Variants in LRBA observed in about 807,000 individuals in gnomAD.
The protein encoded by LRBA is LPS responsive beige-like anchor protein.
Under a neutral mutation model 330.0 loss-of-function variants are expected in LRBA, and 176 were observed. The observed-to-expected ratio is 0.53, with a 90% CI of 0.47 to 0.60. The LOEUF is 0.60. LRBA is among the 20% of genes least tolerant of loss of function. LRBA has a pLI of 0.00. For missense variants in LRBA, 3,259 were observed against 3,444.8 expected (o/e 0.95, Z 1.35); for synonymous variants, 1,230 against 1,193.0 (o/e 1.03, Z -0.64).
chr4:150,672,425 G>GTATATAAGGTATAAGGTATATA (rs1782146469), intron 37 of LRBA, among the ~76,000 whole-genome samples: 1 of 151,504 alleles, frequency 6.6e-6, no homozygotes, highest in Non-Finnish European at 1.5e-5. Context: ...ACTTACTAAG[G>GTATATAAGGTATAAGGTATATA]TACCATAAAC....
At chr4:150,868,848 G>A (rs780809850) in intron 20 of LRBA, among the ~76,000 whole-genome samples, 3 of 152,102 alleles carry the variant, frequency 2.0e-5, no homozygotes, top group Non-Finnish European at 2.9e-5. Flanking sequence ...TGAGACAGGT[G>A]AATCGCTTGA....
chr4:150,565,156 C>A (rs768286746), intron 40 of LRBA, among the ~76,000 whole-genome samples: 62 of 152,100 alleles, frequency 4.1e-4, no homozygotes, highest in Non-Finnish European at 8.1e-4. Flanking sequence ...ACATATACAC[C>A]ATGGAATATT....
At chr4:150,638,312 C>G (rs1420387039) in intron 37 of LRBA, among the ~76,000 whole-genome samples, 1 of 152,196 alleles carries the variant, frequency 6.6e-6, no homozygotes, top group Non-Finnish European at 1.5e-5. Flanking sequence ...CAGGCGTAAG[C>G]CACCACGCCC....
intron 55 of LRBA, among the ~76,000 whole-genome samples, chr4:150,279,130 A>C (rs1397822401): frequency 6.6e-6 from 1 of 152,140 alleles, no homozygotes; most frequent in African/African-American, 2.4e-5. Context: ...GGCCTTCCAT[A>C]AATAAGGTTT....
intron 56 of LRBA, among the ~76,000 whole-genome samples, chr4:150,269,102 A>G (rs757011485): frequency 6.6e-6 from 1 of 152,342 alleles, no homozygotes; most frequent in Admixed American, 6.5e-5. Flanking sequence ...GAGCAGTCCA[A>G]AAGGAAAATT....
chr4:150,815,107 T>C (rs184313828), intron 31 of LRBA, among the ~76,000 whole-genome samples: 30 of 152,134 alleles, frequency 2.0e-4, no homozygotes, highest in African/African-American at 6.7e-4. Flanking sequence ...TTACTCAATG[T>C]ACTTTGAATT....
chr4:150,487,866 C>A, intron 41 of LRBA, 32 bp from the exon 42 acceptor site: 1 of 1,235,360 alleles, frequency 8.1e-7, no homozygotes. Context: ...AATTAGAACA[C>A]AGTATAACTT....
At chr4:150,640,031 T>C (rs1349610941) in intron 37 of LRBA, among the ~76,000 whole-genome samples, 4 of 150,520 alleles carry the variant, frequency 2.7e-5, no homozygotes, top group Admixed American at 2.0e-4. Context: ...TAATTTTTTG[T>C]ATTTTTAGTA....
intron 2 of LRBA, among the ~76,000 whole-genome samples, chr4:151,003,115 G>A (rs1391228166): frequency 6.6e-6 from 1 of 151,312 alleles, no homozygotes; most frequent in African/African-American, 2.4e-5. Context: ...AACAATCCTG[G>A]TCAGGCACAG....
chr4:150,990,887 T>C (rs1264010713), intron 2 of LRBA, among the ~76,000 whole-genome samples: 1 of 151,820 alleles, frequency 6.6e-6, no homozygotes, highest in African/African-American at 2.4e-5. Flanking sequence ...GGCATGGTGG[T>C]GCACACCTGT....
intron 44 of LRBA, among the ~76,000 whole-genome samples, chr4:150,452,871 C>A (rs1753561171): frequency 6.6e-6 from 1 of 152,022 alleles, no homozygotes; most frequent in African/African-American, 2.4e-5. Context: ...AGCAAGGATG[C>A]AGAATACAAG....
At chr4:150,761,652 G>A in intron 35 of LRBA, 131 bp downstream of exon 35, 1 of 528,594 alleles carries the variant, frequency 1.9e-6, no homozygotes, top group Admixed American at 4.0e-5. Context: ...CATAATAATT[G>A]ATATATCAGA....
intron 16 of LRBA, among the ~76,000 whole-genome samples, chr4:150,893,375 G>C (rs576157578): frequency 6.6e-6 from 1 of 152,234 alleles, no homozygotes; most frequent in South Asian, 2.1e-4. Context: ...CGGGGGGGCA[G>C]AGTCTCGCTC....
At chr4:150,365,157 C>T (rs1015206279) in intron 47 of LRBA, among the ~76,000 whole-genome samples, 8 of 151,936 alleles carry the variant, frequency 5.3e-5, no homozygotes, top group Non-Finnish European at 1.2e-4. Flanking sequence ...TACAAGCATG[C>T]CACCACACCC....
At chr4:150,845,079 T>C (rs1229184530) in intron 26 of LRBA, among the ~76,000 whole-genome samples, 1 of 152,276 alleles carries the variant, frequency 6.6e-6, no homozygotes, top group South Asian at 2.1e-4. Context: ...TACTATTTCT[T>C]AGATCTCAAC....
chr4:150,499,411 G>A (rs935479288), intron 40 of LRBA, among the ~76,000 whole-genome samples: 5 of 152,142 alleles, frequency 3.3e-5, no homozygotes, highest in Non-Finnish European at 7.3e-5. Flanking sequence ...GGGAGGCTGA[G>A]GCAGGAGGAT....
chr4:150,295,624 G>A (rs1728890406), intron 53 of LRBA, among the ~76,000 whole-genome samples: 1 of 152,112 alleles, frequency 6.6e-6, no homozygotes, highest in Non-Finnish European at 1.5e-5. Flanking sequence ...ATAAATAAAT[G>A]TTGCTAATAT....
intron 2 of LRBA, among the ~76,000 whole-genome samples, chr4:150,986,678 C>T (rs556099445): frequency 1.1e-4 from 17 of 149,694 alleles, no homozygotes; most frequent in Middle Eastern, 3.5e-3. Flanking sequence ...GGGTAGCAAA[C>T]GTACCATAAA....
chr4:150,670,318 G>A (rs1053694381), intron 37 of LRBA, among the ~76,000 whole-genome samples: 2 of 152,018 alleles, frequency 1.3e-5, no homozygotes, highest in Non-Finnish European at 1.5e-5. Context: ...TTGACTTCAC[G>A]ATAAACTAAA....
Sources: allele counts gnomAD v4.1 joint callset (sites outside exome capture counted in the v4.1 genomes callset), GRCh38; gene constraint gnomAD v4.1.1; transcripts MANE v1.5; gene names NCBI Gene and HGNC (gene_info 2026-07-23, HGNC 2026-07-21).